The following ANKRD26 variants were observed in gnomAD, a reference collection of about 807,000 sequenced individuals.
The protein encoded by ANKRD26 is ankyrin repeat domain-containing protein 26.
A neutral mutation model predicts 208.7 loss-of-function variants in ANKRD26; 141 were observed. The observed-to-expected ratio is 0.68, with a 90% CI of 0.59 to 0.78. The LOEUF is 0.78. Ranked by LOEUF, ANKRD26 falls within the 30% of genes least tolerant of loss-of-function variation. The probability of loss-of-function intolerance (pLI) is 0.00; values close to 1 mark genes in which losing one functional copy is unlikely to be tolerated. For synonymous variants in ANKRD26, 636 were observed against 660.4 expected, an observed-to-expected ratio of 0.96 and a Z score of 0.57; for missense variants, 1,889 against 1,938.7, an observed-to-expected ratio of 0.97 and a Z score of 0.48.
intron 9 of ANKRD26, among the ~76,000 whole-genome samples, chr10:27,068,893 G>A (rs1207327039): frequency 1.3e-5 from 2 of 151,052 alleles, no homozygotes; most frequent in Admixed American, 6.6e-5. Flanking sequence ...GCAATAATAA[G>A]ATATGAGAAA....
chr10:27,042,798 C>CAA (rs60850386), intron 20 of ANKRD26, among the ~76,000 whole-genome samples: 650 of 48,922 alleles, frequency 0.013, 40 homozygotes, highest in East Asian at 0.11. Context: ...CAAAAAAATA[C>CAA]AAAAAAAAAA....
At chr10:27,034,043 T>C (rs951823536) in intron 24 of ANKRD26, among the ~76,000 whole-genome samples, 2 of 152,166 alleles carry the variant, frequency 1.3e-5, no homozygotes, top group Non-Finnish European at 2.9e-5. Context: ...TATACCCAAA[T>C]GATAGTCATT....
chr10:27,082,577 G>A (rs2055961498), intron 6 of ANKRD26, among the ~76,000 whole-genome samples: 1 of 152,150 alleles, frequency 6.6e-6, no homozygotes, highest in African/African-American at 2.4e-5. Context: ...CAGGCTGATG[G>A]TCAAATCATG....
downstream of ANKRD26, among the ~76,000 whole-genome samples, chr10:26,970,456 C>T (rs753775386): frequency 2.0e-5 from 3 of 152,068 alleles, no homozygotes; most frequent in African/African-American, 7.2e-5. Context: ...ATATGTGGCA[C>T]CTCATGCTGT....
At chr10:27,057,704 C>CA (rs2054886718) in intron 15 of ANKRD26, among the ~76,000 whole-genome samples, 1 of 152,110 alleles carries the variant, frequency 6.6e-6, no homozygotes, top group South Asian at 2.1e-4. Context: ...TTTGGGAGGC[C>CA]AAGATGGGTG....
chr10:27,035,616 T>C lies in ANKRD26; in HGVS notation c.2834A>G (p.Asp945Gly). ...ATTCTTTTCTTTTACAATTTTAAGGTCCTCAAAACATTTCTTTTCTTTTTC... is the reference window on the plus strand; with the variant it reads ...ATTCTTTTCTTTTACAATTTTAAGGCCCTCAAAACATTTCTTTTCTTTTTC... ...NQEKEKKCFE[D>G]LKIVKEKNED... Residue 945 changes from aspartate to glycine, a missense_variant, in exon 24 of 34, where the codon GAC becomes GGC. Coordinates refer to ENST00000376087, the MANE Select transcript of ANKRD26 (RefSeq NM_014915.3). 6.3e-7 allele frequency: 1 copy of C among 1,596,846 alleles called. No homozygotes were observed. Among genetic ancestry groups the C allele is most frequent in the Non-Finnish European group, 8.5e-7 (1 of 1,174,574 alleles).
intron 25 of ANKRD26, among the ~76,000 whole-genome samples, chr10:27,032,704 A>C (rs1440961362): frequency 6.6e-6 from 1 of 151,930 alleles, no homozygotes; most frequent in African/African-American, 2.4e-5. Context: ...AATGCCAGCT[A>C]CTCAGGAGGC....
chr10:26,984,440 C>T (rs1589165526), intron 3 of ANKRD26, among the ~76,000 whole-genome samples: 1 of 152,150 alleles, frequency 6.6e-6, no homozygotes, highest in Admixed American at 6.5e-5. Context: ...AGTCTATACC[C>T]CCTAATTGTG....
chr10:27,026,239 T>C (rs2053653201), intron 27 of ANKRD26, among the ~76,000 whole-genome samples: 1 of 152,240 alleles, frequency 6.6e-6, no homozygotes, highest in African/African-American at 2.4e-5. Context: ...CTAATAATTA[T>C]ATGCCATATT....
chr10:27,028,322 C>G, intron 27 of ANKRD26, among the ~76,000 whole-genome samples: 1 of 152,102 alleles, frequency 6.6e-6, no homozygotes, highest in South Asian at 2.1e-4. Context: ...AGTGGCCGGG[C>G]ACTGTGGCTC....
intron 21 of ANKRD26, among the ~76,000 whole-genome samples, chr10:27,039,352 G>A (rs1442936853): frequency 6.6e-6 from 1 of 151,904 alleles, no homozygotes; most frequent in Non-Finnish European, 1.5e-5. Flanking sequence ...TTCTTGTGAG[G>A]CTGAGGTGGG....
chr10:27,033,163 A>G, intron 25 of ANKRD26, 62 bp downstream of exon 25: 1 of 1,363,564 alleles, frequency 7.3e-7, no homozygotes, highest in Non-Finnish European at 1.0e-6. Context: ...TTAGTATGAT[A>G]AAACACTATA....
rs2055732739 is a variant in ANKRD26 at position 27,077,286 on chromosome 10, T to G, written c.1077+52A>C. 4 of 1,425,168 alleles carry G rather than the reference T, an allele frequency of 2.8e-6. No individual in the cohort carries two copies. In the South Asian group the frequency reaches 4.6e-5, roughly 16 times the overall value. 88.3% of individuals were successfully genotyped at this position (1,425,168 alleles called of 1,614,324 possible). ...TCAATAGATGCATCATTATGAGGAT[T>G]GTTGGGGCAGGGGAAGGGTACATGA... On this transcript the variant is annotated intron_variant, in intron 9 of 33. Transcript: ENST00000376087.
At chr10:27,090,614 G>T (rs1182862822) in intron 4 of ANKRD26, among the ~76,000 whole-genome samples, 1 of 152,026 alleles carries the variant, frequency 6.6e-6, no homozygotes. Flanking sequence ...CAAAAAAGAG[G>T]CCTCTTGTCT....
chr10:27,063,995 T>C lies in ANKRD26; in HGVS notation c.1356A>G (p.Gln452=), dbSNP rs368440499. 1 of 1,605,966 alleles carries C rather than the reference T, an allele frequency of 6.2e-7. No homozygotes were observed. Among genetic ancestry groups the C allele is most frequent in the Non-Finnish European group, 8.5e-7 (1 of 1,175,704 alleles). Residue 452 remains glutamine, a synonymous_variant, in exon 12 of 34, where the codon CAA becomes CAG. Transcript: ENST00000376087. The part of the protein sequence containing the change: ...DGKEKNIGNE[Q]AEDVFYIPSC... ...ATGAAATATAGCTCTTACCTTCTGC[T>C]TGTTCATTTCCTATATTTTTTTCTT... is the stretch of plus-strand genomic sequence containing the variant.
intron 9 of ANKRD26, among the ~76,000 whole-genome samples, chr10:27,070,638 A>G (rs1036552227): frequency 2.6e-5 from 4 of 152,128 alleles, no homozygotes; most frequent in African/African-American, 9.7e-5. Context: ...TGCTGGAGGT[A>G]CTTTTAAAAG....
chr10:27,054,372 G>A (rs1041577222), intron 15 of ANKRD26, among the ~76,000 whole-genome samples: 11 of 152,072 alleles, frequency 7.2e-5, no homozygotes, highest in Admixed American at 3.9e-4. Flanking sequence ...ATCACTTGAG[G>A]CCAGGAGTTC....
rs2054240441 is a variant in ANKRD26 at position 27,041,549 on chromosome 10, CTG to C, written c.2162-1373_2162-1372del. Reference sequence around the variant, plus strand: ...GTCAAGCTGTTTATATGTAACTCAACTGTACCTCAAAATAAAGCTCAAGAAGA... The same window carrying C: ...GTCAAGCTGTTTATATGTAACTCAACTACCTCAAAATAAAGCTCAAGAAGA... On this transcript the variant is annotated intron_variant, in intron 20 of 33. Coordinates refer to ENST00000376087, the MANE Select transcript of ANKRD26 (RefSeq NM_014915.3). Among the ~76,000 whole-genome samples the C allele has an allele frequency of 2.0e-5, 3 of 152,122 alleles. No individual in the cohort carries two copies. In the South Asian group the frequency reaches 6.2e-4, roughly 31 times the overall value.
Position 27,053,381 on chromosome 10 carries a change from T to C in ANKRD26, c.1574A>G (p.Asp525Gly). The change falls in exon 16 of 34, where the codon GAC becomes GGC. Residue 525 changes from aspartate (D) to glycine (G), a missense_variant. Asp to Gly is a moderately conservative substitution (Grantham distance 94). Coordinates refer to ENST00000376087, the MANE Select transcript of ANKRD26 (RefSeq NM_014915.3). ...CTCTTCTTCTGATGCTACTTCTAAG[T>C]CATGTTCAGCTGAAAAAATCCAAAT... ...DVQTSKAAEH[D>G]LEVASEEEQE... 1 of 1,610,528 alleles carries C rather than the reference T, an allele frequency of 6.2e-7. No homozygotes were observed. The highest frequency in any genetic ancestry group is 8.5e-7 in the Non-Finnish European group (1 of 1,178,098).
Sources: gnomAD v4.1 joint callset for allele counts (sites outside exome capture counted in the v4.1 genomes callset) on GRCh38, gnomAD v4.1.1 for gene constraint, MANE v1.5 for transcripts, NCBI Gene and HGNC (gene_info 2026-07-23, HGNC 2026-07-21) for gene names.